Variants in CHST9 observed in about 807,000 individuals in gnomAD.
CHST9 encodes carbohydrate sulfotransferase 9.
A neutral mutation model predicts 44.4 loss-of-function variants in CHST9; 41 were observed. The ratio of observed to expected loss-of-function variants is 0.92; its 90% confidence interval spans 0.72 to 1.20. CHST9 has a LOEUF of 1.20. Ranked by LOEUF, CHST9 falls within the 50% of genes most tolerant of loss-of-function variation. CHST9 has a pLI of 0.00. For synonymous variants in CHST9, 171 were observed against 178.4 expected, an observed-to-expected ratio of 0.96 and a Z score of 0.33; for missense variants, 504 against 516.5, an observed-to-expected ratio of 0.98 and a Z score of 0.23.
At chr18:27,163,313 T>C (rs868211210) in intron 1 of CHST9, among the ~76,000 whole-genome samples, 2 of 152,166 alleles carry the variant, frequency 1.3e-5, no homozygotes, top group Non-Finnish European at 2.9e-5. Flanking sequence ...AGCTGCATGC[T>C]AGGAGAACCG....
intron 4 of CHST9, among the ~76,000 whole-genome samples, chr18:26,992,540 C>T (rs1272699747): frequency 6.6e-6 from 1 of 152,008 alleles, no homozygotes; most frequent in Non-Finnish European, 1.5e-5. Flanking sequence ...AGGTATACTT[C>T]AATCACTATC....
intron 4 of CHST9, among the ~76,000 whole-genome samples, chr18:27,006,868 A>G (rs940668179): frequency 6.6e-6 from 1 of 152,196 alleles, no homozygotes; most frequent in Non-Finnish European, 1.5e-5. Context: ...GTGAATGGGC[A>G]GAGATGGTGA....
chr18:27,034,787 T>A (rs774569765), intron 3 of CHST9, among the ~76,000 whole-genome samples: 8 of 152,240 alleles, frequency 5.3e-5, no homozygotes, highest in Non-Finnish European at 1.2e-4. Context: ...GTGATGCCTG[T>A]CTACAACTCC....
At chr18:27,016,660 G>C (rs1189533864) in intron 4 of CHST9, among the ~76,000 whole-genome samples, 2 of 152,180 alleles carry the variant, frequency 1.3e-5, no homozygotes, top group Non-Finnish European at 2.9e-5. Context: ...AATAGTGTTA[G>C]AGCTTTCCTA....
chr18:26,977,320 A>G (rs187247891), intron 4 of CHST9, among the ~76,000 whole-genome samples: 168 of 152,080 alleles, frequency 1.1e-3, no homozygotes, highest in African/African-American at 3.8e-3. Flanking sequence ...TGCAGGGAGT[A>G]TACATCTATC....
chr18:26,989,486 T>C (rs756714138), intron 4 of CHST9, among the ~76,000 whole-genome samples: 3 of 152,236 alleles, frequency 2.0e-5, no homozygotes, highest in Non-Finnish European at 4.4e-5. Flanking sequence ...GATGGTAACA[T>C]GAAATGGTGC....
chr18:26,981,931 C>G (rs1195304289), intron 4 of CHST9, among the ~76,000 whole-genome samples: 1 of 152,164 alleles, frequency 6.6e-6, no homozygotes, highest in African/African-American at 2.4e-5. Flanking sequence ...TTTCTTCTAA[C>G]CAGTCTTCTG....
chr18:27,152,611 C>T (rs2058667807), intron 1 of CHST9, among the ~76,000 whole-genome samples: 1 of 152,180 alleles, frequency 6.6e-6, no homozygotes, highest in Admixed American at 6.6e-5. Context: ...CATGCACTTA[C>T]ATGCCAGTTA....
intron 2 of CHST9, among the ~76,000 whole-genome samples, chr18:27,051,601 C>T (rs2057567921): frequency 6.6e-6 from 1 of 152,144 alleles, no homozygotes. Flanking sequence ...GCAGCCCCCA[C>T]CAACTTGCTA....
chr18:26,973,419 G>A (rs2056578105), intron 4 of CHST9, among the ~76,000 whole-genome samples: 1 of 152,216 alleles, frequency 6.6e-6, no homozygotes, highest in Admixed American at 6.5e-5. Context: ...GTGCGGAACA[G>A]TGCGTAGAAG....
chr18:27,093,212 T>C (rs939378110), intron 2 of CHST9, among the ~76,000 whole-genome samples: 6 of 152,210 alleles, frequency 3.9e-5, no homozygotes, highest in African/African-American at 1.4e-4. Context: ...AGGGACCCAC[T>C]TGAGGAGGCA....
At chr18:27,158,656 T>A (rs2058718166) in intron 1 of CHST9, among the ~76,000 whole-genome samples, 1 of 152,060 alleles carries the variant, frequency 6.6e-6, no homozygotes, top group Non-Finnish European at 1.5e-5. Context: ...TATTTCTAGT[T>A]CAAGATCCCT....
intron 4 of CHST9, among the ~76,000 whole-genome samples, chr18:27,016,989 T>C (rs951363542): frequency 6.6e-6 from 1 of 152,180 alleles, no homozygotes; most frequent in African/African-American, 2.4e-5. Flanking sequence ...CAGTGAATAA[T>C]GCTATAAAAT....
intron 4 of CHST9, among the ~76,000 whole-genome samples, chr18:27,018,829 A>G (rs2057185641): frequency 6.6e-6 from 1 of 152,214 alleles, no homozygotes; most frequent in African/African-American, 2.4e-5. Flanking sequence ...CCCCCAGGCA[A>G]GCAGGAGAGA....
At chr18:26,974,598 T>A (rs1323470373) in intron 4 of CHST9, among the ~76,000 whole-genome samples, 1 of 152,140 alleles carries the variant, frequency 6.6e-6, no homozygotes, top group African/African-American at 2.4e-5. Flanking sequence ...GATTCTTCCA[T>A]CATCCATGAT....
rs184065466 is a variant in CHST9 at position 27,116,939 on chromosome 18, G to A, written c.121+25750C>T. On this transcript the variant is annotated intron_variant, in intron 2 of 5. Transcript: ENST00000618847. ...AGAAATGCAAATCATTTTTATAAGT[G>A]ATTGTATCCTGCCACCTCATTGAAG... Among the ~76,000 whole-genome samples the A allele has an allele frequency of 6.6e-5, 10 of 151,790 alleles. No individual in the cohort carries two copies. In the East Asian group the frequency reaches 1.9e-3, roughly 29 times the overall value.
chr18:26,950,267 A>G (rs2056226026), intron 4 of CHST9, among the ~76,000 whole-genome samples: 1 of 152,202 alleles, frequency 6.6e-6, no homozygotes. Flanking sequence ...TATGTTTTTA[A>G]AGATTATGTG....
chr18:27,058,446 G>C (rs905973409), intron 2 of CHST9, among the ~76,000 whole-genome samples: 1 of 152,160 alleles, frequency 6.6e-6, no homozygotes, highest in Non-Finnish European at 1.5e-5. Flanking sequence ...TGCAGGCCTA[G>C]TAACTTGCTT....
At chr18:27,153,544 C>CTTTG (rs748908317) in intron 1 of CHST9, among the ~76,000 whole-genome samples, 11 of 95,426 alleles carry the variant, frequency 1.2e-4, no homozygotes, top group Non-Finnish European at 8.9e-5. Flanking sequence ...CTCTCTCTCT[C>CTTTG]TCTGTGTGTG....
Sources: allele counts gnomAD v4.1 joint callset (sites outside exome capture counted in the v4.1 genomes callset), GRCh38; gene constraint gnomAD v4.1.1; transcripts MANE v1.5; gene names NCBI Gene and HGNC (gene_info 2026-07-23, HGNC 2026-07-21).